The following ZCCHC2 variants were observed in gnomAD, a reference collection of about 807,000 sequenced individuals.
ZCCHC2 encodes zinc finger CCHC-type containing 2.
A neutral mutation model predicts 103.6 loss-of-function variants in ZCCHC2; 39 were observed. That is an observed-to-expected ratio of 0.38 (90% CI 0.29 to 0.49). The LOEUF (loss-of-function observed/expected upper bound fraction) is 0.49. Among genes scored for constraint, ZCCHC2 ranks in the 20% least tolerant of loss-of-function variants. The pLI, the probability that ZCCHC2 is intolerant of heterozygous loss-of-function variation, is 0.96. For synonymous variants in ZCCHC2, 687 were observed against 608.9 expected (o/e 1.13, Z -1.89); for missense variants, 1,483 against 1,491.0 (o/e 0.99, Z 0.09).
intron 4 of ZCCHC2, 123 bp from the exon 5 acceptor site, chr18:62,550,225 C>A: frequency 1.4e-6 from 1 of 726,556 alleles, no homozygotes; most frequent in Non-Finnish European, 2.3e-6. Context: ...ATTTGGAAAA[C>A]AAACTGCTTT....
intron 3 of ZCCHC2, among the ~76,000 whole-genome samples, chr18:62,543,195 T>G (rs2145499019): frequency 6.6e-6 from 1 of 152,288 alleles, no homozygotes; most frequent in East Asian, 1.9e-4. Context: ...CCATGCCACG[T>G]TTTTGTGAAT....
Position 62,523,376 on chromosome 18 carries a change from G to GGGGC in ZCCHC2, c.-49_-48insGGGC. 2.0e-5 allele frequency: 20 copies of GGGGC among 1,012,306 alleles called. No homozygotes were observed. The highest frequency in any genetic ancestry group is 2.1e-5 in the Non-Finnish European group (18 of 848,946). The allele number at this position is 1,012,306 out of a possible 1,614,324, so 62.7% of individuals were successfully genotyped here. On this transcript the variant is annotated 5_prime_UTR_variant, in exon 1 of 14. Coordinates refer to ENST00000269499, the MANE Select transcript of ZCCHC2 (RefSeq NM_017742.6). ...GCCTCGGCCCGTGCTCCACCTCGCG[G>GGGGC]CCCCTCCCGCCCGCCCCCGCTCGCA...
rs1203873277 is a variant in ZCCHC2, at chr18:62,570,015, T to C, written c.1847-88T>C. The C allele has an allele frequency of 6.8e-6, 9 of 1,315,758 alleles. No individual in the cohort carries two copies. In the African/African-American group the frequency reaches 1.2e-4, roughly 18 times the overall value. The allele number at this position is 1,315,758 out of a possible 1,614,324, so 81.5% of individuals were successfully genotyped here. A position where few individuals can be genotyped will look rare whatever the true frequency, so the allele number is the denominator to read the frequency against. ...GGTTGTGGGGAAACTGAAGAAAATATAGCTAAAATTAATTTCTAATGATTC... is the reference window on the plus strand; with the variant it reads ...GGTTGTGGGGAAACTGAAGAAAATACAGCTAAAATTAATTTCTAATGATTC... On this transcript the variant is annotated intron_variant, in intron 11 of 13. Coordinates refer to ENST00000269499, the MANE Select transcript of ZCCHC2 (RefSeq NM_017742.6).
intron 1 of ZCCHC2, among the ~76,000 whole-genome samples, chr18:62,536,701 A>G (rs899629903): frequency 5.3e-5 from 8 of 152,340 alleles, no homozygotes; most frequent in South Asian, 4.1e-4. Context: ...AACATAGTCT[A>G]CGTGATTTTA....
At chr18:62,575,691 T>A in intron 13 of ZCCHC2, 141 bp downstream of exon 13, 1 of 1,081,296 alleles carries the variant, frequency 9.2e-7, no homozygotes, top group Non-Finnish European at 1.3e-6. Flanking sequence ...TGACAGATCA[T>A]AAAATGCAAC....
At position 62,576,640 on chromosome 18, in the gene ZCCHC2, GAGGAA is replaced by G; in HGVS notation, c.*70_*74del. ...GTGGGGAGTCATGGGGTGTGGAGGG[GAGGAA>G]AGGAAAGGTATTTTGTTTCTTTGTC... On this transcript the variant is annotated 3_prime_UTR_variant, in exon 14 of 14. Coordinates refer to ENST00000269499, the MANE Select transcript of ZCCHC2 (RefSeq NM_017742.6). 5 of 1,500,120 alleles carry G rather than the reference GAGGAA, an allele frequency of 3.3e-6. No individual in the cohort carries two copies. Among genetic ancestry groups the G allele is most frequent in the Non-Finnish European group, 4.6e-6 (5 of 1,087,730 alleles). 92.9% of individuals were successfully genotyped at this position (1,500,120 alleles called of 1,614,324 possible).
Position 62,574,860 on chromosome 18 carries a change from G to T in ZCCHC2, c.2779G>T (p.Val927Leu), listed in dbSNP as rs754925402. Reference protein sequence around the residue: ...PLPGSPLAAGVLPSQNSSVLS... With the variant: ...PLPGSPLAAGLLPSQNSSVLS... Reference sequence around the variant, plus strand: ...ACCAGGCTCTCCCCTTGCTGCCGGCGTGTTACCCAGCCAGAACTCCAGTGT... The same window carrying T: ...ACCAGGCTCTCCCCTTGCTGCCGGCTTGTTACCCAGCCAGAACTCCAGTGT... Residue 927 changes from valine to leucine, a missense_variant, in exon 13 of 14, where the codon GTG (valine) becomes TTG (leucine). Physicochemically the swap from Val to Leu is conservative, Grantham distance 32. This residue lies in a region of ZCCHC2 where 884 missense variants were observed against 907.5 expected (regional missense o/e 0.97). Coordinates refer to ENST00000269499, the MANE Select transcript of ZCCHC2 (RefSeq NM_017742.6). 2.5e-6 allele frequency: 4 copies of T among 1,613,834 alleles called. No homozygotes were observed. The South Asian group carries it at 4.4e-5, about 18-fold the overall frequency.
At chr18:62,571,498 T>G (rs905959895) in intron 12 of ZCCHC2, among the ~76,000 whole-genome samples, 1 of 152,242 alleles carries the variant, frequency 6.6e-6, no homozygotes, top group Non-Finnish European at 1.5e-5. Context: ...ATTTCCAGAA[T>G]TTTGAGAAAG....
At position 62,563,159 on chromosome 18, in the gene ZCCHC2, T is replaced by G. The variant is rs368297855; in HGVS notation, c.1686+15T>G. ...CGGCTGACCAGGTGTGTGGGGAGTT[T>G]GTTTTGGAGCTATATAGTTAAAGCA... On this transcript the variant is annotated intron_variant, in intron 9 of 13. Transcript: ENST00000269499. 1 of 1,609,340 alleles carries G rather than the reference T, an allele frequency of 6.2e-7. No homozygotes were observed. Among genetic ancestry groups the G allele is most frequent in the African/African-American group, 1.3e-5 (1 of 74,832 alleles).
intron 9 of ZCCHC2, among the ~76,000 whole-genome samples, chr18:62,564,053 C>T (rs1039555664): frequency 1.3e-5 from 2 of 152,192 alleles, no homozygotes; most frequent in East Asian, 1.9e-4. Flanking sequence ...GGCCAACGCT[C>T]AGATCCAAAT....
At chr18:62,562,646 C>T (rs2145521180) in intron 8 of ZCCHC2, among the ~76,000 whole-genome samples, 1 of 152,240 alleles carries the variant, frequency 6.6e-6, no homozygotes, top group African/African-American at 2.4e-5. Flanking sequence ...GGTTTTTGAT[C>T]TCATTATCCT....
downstream of ZCCHC2, among the ~76,000 whole-genome samples, chr18:62,583,091 G>A (rs991830443): frequency 6.6e-6 from 1 of 152,170 alleles, no homozygotes; most frequent in Non-Finnish European, 1.5e-5. Context: ...GTGACAGAGT[G>A]AGACCGTGTC....
intron 2 of ZCCHC2, among the ~76,000 whole-genome samples, chr18:62,541,530 T>A (rs192389238): frequency 7.2e-6 from 1 of 138,434 alleles, no homozygotes; most frequent in Non-Finnish European, 1.5e-5. Context: ...TTCCTCCATC[T>A]CCTGCTCTCC....
chr18:62,576,041 G>C (rs117152664), intron 13 of ZCCHC2, among the ~76,000 whole-genome samples: 1,531 of 133,774 alleles, frequency 0.011, 29 homozygotes, highest in African/African-American at 0.038. Flanking sequence ...AAAAAAAAAA[G>C]GTCCAAGATT....
At chr18:62,579,655 C>T (rs2121911366), downstream of ZCCHC2, among the ~76,000 whole-genome samples, 1 of 152,284 alleles carries the variant, frequency 6.6e-6, no homozygotes, top group South Asian at 2.1e-4. Context: ...TGTCCCATAT[C>T]CTTAGCTATC....
In ZCCHC2 at chr18:62,523,071, G is replaced by C. The variant is rs1179924776; in HGVS notation, c.-354G>C. 6.6e-6 allele frequency: 1 copy of C among 152,270 alleles called. No individual in the cohort carries two copies. Among genetic ancestry groups the C allele is most frequent in the Non-Finnish European group, 1.5e-5 (1 of 68,140 alleles). 9.4% of individuals were successfully genotyped at this position (152,270 alleles called of 1,614,324 possible). Reference sequence around the variant, plus strand: ...GTCCTCACCGGCTCGCGAGGGAACAGCTCAGGCACCGCCGCCCCGGCTCAG... The same window carrying C: ...GTCCTCACCGGCTCGCGAGGGAACACCTCAGGCACCGCCGCCCCGGCTCAG... On this transcript the variant is annotated 5_prime_UTR_variant, in exon 1 of 14. Coordinates refer to ENST00000269499, the MANE Select transcript of ZCCHC2 (RefSeq NM_017742.6).
chr18:62,567,151 G>A (rs1916404448), intron 11 of ZCCHC2, among the ~76,000 whole-genome samples: 1 of 152,200 alleles, frequency 6.6e-6, no homozygotes, highest in Non-Finnish European at 1.5e-5. Context: ...CAGCGCAGAT[G>A]TATGCCAATT....
At chr18:62,572,054 A>G (rs3760570) in intron 12 of ZCCHC2, among the ~76,000 whole-genome samples, 50,485 of 152,044 alleles carry the variant, frequency 0.33, 8,910 homozygotes, top group East Asian at 0.75. Context: ...AGCTGTTTTG[A>G]AACTTAAATG....
chr18:62,553,676 A>G (rs939339259), intron 5 of ZCCHC2, among the ~76,000 whole-genome samples: 3 of 152,178 alleles, frequency 2.0e-5, no homozygotes, highest in Admixed American at 6.5e-5. Context: ...GCAGCACTTT[A>G]TGTCTTCTGA....
Sources: gnomAD v4.1 joint callset for allele counts (sites outside exome capture counted in the v4.1 genomes callset) on GRCh38, gnomAD v4.1.1 for gene constraint, gnomAD v4.1.1 regional missense constraint, MANE v1.5 for transcripts, NCBI Gene and HGNC (gene_info 2026-07-23, HGNC 2026-07-21) for gene names.